The following TOX3 variants were observed in gnomAD, a reference collection of about 807,000 sequenced individuals.
The protein encoded by TOX3 is CAG trinucleotide repeat-containing gene F9 protein.
A neutral mutation model predicts 64.3 loss-of-function variants in TOX3; 22 were observed. The observed-to-expected ratio is 0.34, with a 90% CI of 0.24 to 0.49. TOX3 has a LOEUF of 0.49. Among genes scored for constraint, TOX3 ranks in the 20% least tolerant of loss-of-function variants. The pLI, the probability that TOX3 is intolerant of heterozygous loss-of-function variation, is 0.99. For missense variants in TOX3, 661 were observed against 714.4 expected (o/e 0.93, Z 0.85); for synonymous variants, 291 against 273.6 (o/e 1.06, Z -0.63).
chr16:52,439,670 G>A lies in TOX3; in HGVS notation c.1286C>T (p.Ser429Phe), dbSNP rs772796688. Residue 429 changes from serine (S) to phenylalanine (F), a missense_variant, in exon 7 of 7, where the codon TCC becomes TTC. By Grantham distance (155) the Ser-to-Phe change is radical (BLOSUM62 -2). Around this residue, in one of 3 missense-constraint regions of TOX3, gnomAD observed 299 missense variants for 292.1 expected, o/e 1.02. Transcript: ENST00000219746. ...MGTTMVGSAP[S>F]TQVSPSVQTQ... ...TTGCACCGAAGGACTCACTTGGGTG[G>A]AGGGTGCTGAGCCAACCATGGTCGT... 13 of 1,613,776 alleles carry A rather than the reference G, an allele frequency of 8.1e-6. No individual in the cohort carries two copies. The Admixed American group carries it at 1.7e-4, about 21-fold the overall frequency.
intron 1 of TOX3, among the ~76,000 whole-genome samples, chr16:52,512,082 G>A (rs1387167862): frequency 6.6e-6 from 1 of 152,098 alleles, no homozygotes; most frequent in East Asian, 1.9e-4. Flanking sequence ...CTCTCCCTGT[G>A]GTTTATGTTT....
At chr16:52,512,810 C>A (rs1259981989) in intron 1 of TOX3, among the ~76,000 whole-genome samples, 3 of 151,086 alleles carry the variant, frequency 2.0e-5, no homozygotes, top group Non-Finnish European at 2.9e-5. Flanking sequence ...ATGTGGCTGG[C>A]ATGTTATTAA....
intron 1 of TOX3, among the ~76,000 whole-genome samples, chr16:52,494,890 G>T (rs1302709896): frequency 6.6e-6 from 1 of 152,210 alleles, no homozygotes; most frequent in Non-Finnish European, 1.5e-5. Flanking sequence ...GTAGGTATGA[G>T]TTTATGTCAA....
chr16:52,447,622 CA>C (rs567994184), intron 4 of TOX3, among the ~76,000 whole-genome samples: 40 of 152,248 alleles, frequency 2.6e-4, no homozygotes, highest in African/African-American at 9.6e-4. Context: ...ACTTCTCCTC[CA>C]AAATGCCATC....
At chr16:52,473,324 A>G (rs1299643718) in intron 1 of TOX3, among the ~76,000 whole-genome samples, 5 of 152,102 alleles carry the variant, frequency 3.3e-5, no homozygotes. Flanking sequence ...AGCATTAACT[A>G]CAGGGTCTCA....
At chr16:52,459,662 C>T (rs1419934799) in intron 3 of TOX3, among the ~76,000 whole-genome samples, 3 of 152,028 alleles carry the variant, frequency 2.0e-5, no homozygotes, top group African/African-American at 4.8e-5. Flanking sequence ...GCAATGAATG[C>T]GTTCATAACA....
chr16:52,504,991 C>A (rs889742320), intron 1 of TOX3, among the ~76,000 whole-genome samples: 1 of 152,210 alleles, frequency 6.6e-6, no homozygotes, highest in Non-Finnish European at 1.5e-5. Flanking sequence ...CGCGCCACCA[C>A]GCCCGGCTAA....
chr16:52,517,251 C>T (rs1437479801), intron 1 of TOX3, among the ~76,000 whole-genome samples: 1 of 152,162 alleles, frequency 6.6e-6, no homozygotes, highest in African/African-American at 2.4e-5. Context: ...CCTCTAGATA[C>T]CACCACTCAA....
chr16:52,543,134 G>A (rs566321316), intron 1 of TOX3, among the ~76,000 whole-genome samples: 2 of 152,284 alleles, frequency 1.3e-5, no homozygotes, highest in South Asian at 2.1e-4. Context: ...ACAACCCACT[G>A]TATGATTTCA....
Position 52,453,436 on chromosome 16 carries a change from G to A in TOX3, c.409-2890C>T, listed in dbSNP as rs377700544. ...TGACCTCAAGTGATCTGCCAGCCTC[G>A]GCCTCCCAAAGTGCTGGGATTACAG... On this transcript the variant is annotated intron_variant, in intron 3 of 6. Transcript: ENST00000219746. 7.9e-5 allele frequency among the ~76,000 whole-genome samples: 12 copies of A among 152,078 alleles called. No individual in the cohort carries two copies. The South Asian group carries it at 8.3e-4, about 11-fold the overall frequency.
At chr16:52,536,628 T>C in intron 1 of TOX3, among the ~76,000 whole-genome samples, 1 of 1,356 alleles carries the variant, frequency 7.4e-4, no homozygotes, top group South Asian at 0.018. Flanking sequence ...AGATATACAC[T>C]ATATATATAT....
rs145387451 is a variant in TOX3, at chr16:52,465,928, T to C, written c.154-1740A>G. Among the ~76,000 whole-genome samples the C allele has an allele frequency of 3.4e-3, 519 of 152,278 alleles. 2 individuals carry two copies. The highest frequency in any genetic ancestry group is 0.012 in the African/African-American group (484 of 41,550). ...CTAAAATATTGGATTTTCTGACACA[T>C]GCATTCTAATAATGACCCCAAAAGC... On this transcript the variant is annotated intron_variant, in intron 2 of 6. Coordinates refer to ENST00000219746, the MANE Select transcript of TOX3 (RefSeq NM_001080430.4).
At chr16:52,467,057 A>T (rs987010181) in intron 2 of TOX3, among the ~76,000 whole-genome samples, 2 of 152,208 alleles carry the variant, frequency 1.3e-5, no homozygotes, top group Non-Finnish European at 2.9e-5. Context: ...ATGTTAAAGT[A>T]GTATGTACAT....
intron 1 of TOX3, among the ~76,000 whole-genome samples, chr16:52,471,685 C>T (rs1961049146): frequency 1.3e-5 from 2 of 152,156 alleles, no homozygotes; most frequent in Non-Finnish European, 2.9e-5. Context: ...ATCGCCCATC[C>T]TAACTGGAGT....
At chr16:52,530,055 C>G (rs1962817616) in intron 1 of TOX3, among the ~76,000 whole-genome samples, 1 of 152,192 alleles carries the variant, frequency 6.6e-6, no homozygotes, top group Non-Finnish European at 1.5e-5. Context: ...CGGAAGGAAG[C>G]AAGGCATCTT....
rs1465358784 is a variant in TOX3 at position 52,546,965 on chromosome 16, G to T, written c.-242C>A. On this transcript the variant is annotated 5_prime_UTR_variant, in exon 1 of 7. Coordinates refer to ENST00000219746, the MANE Select transcript of TOX3 (RefSeq NM_001080430.4). Reference sequence around the variant, plus strand: ...GGCCGGGGGGACGCGCCCCGCCGGGGCACCGAGGCAGCGCTGCGCGCGGGC... The same window carrying T: ...GGCCGGGGGGACGCGCCCCGCCGGGTCACCGAGGCAGCGCTGCGCGCGGGC... 2.0e-5 allele frequency: 20 copies of T among 978,954 alleles called. No homozygotes were observed. Among genetic ancestry groups the T allele is most frequent in the South Asian group, 4.6e-5 (1 of 21,744 alleles). The allele number at this position is 978,954 out of a possible 1,614,324, so 60.6% of individuals were successfully genotyped here.
intron 1 of TOX3, among the ~76,000 whole-genome samples, chr16:52,518,637 T>C (rs901094777): frequency 6.6e-6 from 1 of 152,242 alleles, no homozygotes; most frequent in African/African-American, 2.4e-5. Flanking sequence ...TTTACAAGAA[T>C]TGTCAGCAAT....
At chr16:52,468,488 C>T (rs1214123716) in intron 2 of TOX3, 21 bp downstream of exon 2, 1 of 1,603,034 alleles carries the variant, frequency 6.2e-7, no homozygotes, top group African/African-American at 1.3e-5. Flanking sequence ...CAGGAACAAA[C>T]ACATTAAGAC....
At chr16:52,503,984 T>C (rs1962080310) in intron 1 of TOX3, among the ~76,000 whole-genome samples, 1 of 152,212 alleles carries the variant, frequency 6.6e-6, no homozygotes, top group African/African-American at 2.4e-5. Flanking sequence ...AAAAGAATCA[T>C]CACTTTCATA....
Sources: allele counts gnomAD v4.1 joint callset (sites outside exome capture counted in the v4.1 genomes callset), GRCh38; gene constraint gnomAD v4.1.1; regional missense constraint gnomAD v4.1.1; transcripts MANE v1.5; gene names NCBI Gene and HGNC (gene_info 2026-07-23, HGNC 2026-07-21).